PIN1: variants seen among roughly 807,000 people sequenced by gnomAD.
The protein encoded by PIN1 is peptidylprolyl cis/trans isomerase, NIMA-interacting 1.
In PIN1, 8 loss-of-function variants were observed where a neutral mutation model predicts 19.9. The ratio of observed to expected loss-of-function variants is 0.40; its 90% CI spans 0.24 to 0.72. PIN1 has a LOEUF of 0.72. Ranked by LOEUF, PIN1 falls within the 30% of genes least tolerant of loss-of-function variation. The probability of loss-of-function intolerance (pLI) is 0.37; values close to 1 mark genes in which losing one functional copy is unlikely to be tolerated. For missense variants in PIN1, 185 were observed against 226.5 expected, an observed-to-expected ratio of 0.82 and a Z score of 1.18; for synonymous variants, 86 against 90.8, an observed-to-expected ratio of 0.95 and a Z score of 0.30.
At chr19:9,848,416 G>T (rs928600399) in intron 3 of PIN1, 1 of 462,474 alleles carries the variant, frequency 2.2e-6, no homozygotes, top group East Asian at 4.1e-5. Flanking sequence ...CTCATCCCAG[G>T]CCCACCAAGG....
Position 9,846,636 on chromosome 19 carries a change from G to A in PIN1, c.272-1394G>A, listed in dbSNP as rs1258665458. Among the ~76,000 whole-genome samples, 2 of 152,192 alleles carry A rather than the reference G, an allele frequency of 1.3e-5. No homozygotes were observed. Among genetic ancestry groups the A allele is most frequent in the East Asian group, 3.9e-4 (2 of 5,182 alleles). On this transcript the variant is annotated intron_variant, in intron 2 of 3. Coordinates refer to ENST00000247970, the MANE Select transcript of PIN1 (RefSeq NM_006221.4). The surrounding 1 kb of genome is among the most constrained non-coding windows in gnomAD (Gnocchi z 5.9). Reference sequence around the variant, plus strand: ...CTGGGGACACTTGGATCAGTCCAGTGTGTTCAGCAGGTGCCACGGTTGGGT... The same window carrying A: ...CTGGGGACACTTGGATCAGTCCAGTATGTTCAGCAGGTGCCACGGTTGGGT...
chr19:9,842,958 C>T (rs2145414375), intron 2 of PIN1, among the ~76,000 whole-genome samples: 1 of 152,328 alleles, frequency 6.6e-6, no homozygotes. Context: ...CAGAGAGAGC[C>T]GGGACCTCCA....
At chr19:9,841,384 C>T (rs1011893624) in intron 2 of PIN1, among the ~76,000 whole-genome samples, 7 of 152,174 alleles carry the variant, frequency 4.6e-5, no homozygotes, top group African/African-American at 1.7e-4. Flanking sequence ...AGCCTTGTTT[C>T]ATGAGCCAGT....
rs1050698037 is a variant in PIN1, at chr19:9,841,529, G to C, written c.271+2881G>C. Among the ~76,000 whole-genome samples, 85 of 152,338 alleles carry C rather than the reference G, an allele frequency of 5.6e-4. 1 individual carries two copies. Among genetic ancestry groups the C allele is most frequent in the Non-Finnish European group, 3.2e-4 (22 of 68,028 alleles). ...ACCCTTCACGGGCAGGTCCCAGCCA[G>C]GTTGAGGAGGGTCCTTGTCAGGTGA... On this transcript the variant is annotated intron_variant, in intron 2 of 3. Transcript: ENST00000247970.
In PIN1 at chr19:9,849,445, T is replaced by C. The variant is rs1434035336; in HGVS notation, c.*246T>C. On this transcript the variant is annotated 3_prime_UTR_variant, in exon 4 of 4. Coordinates refer to ENST00000247970, the MANE Select transcript of PIN1 (RefSeq NM_006221.4). ...CTTAAGGAATTGACTTCAGCAGGGG[T>C]GGGAGGCTCCCAGACCCAGGGCAGT... The C allele has an allele frequency of 1.4e-6, 1 of 732,858 alleles. No homozygotes were observed. Among genetic ancestry groups the C allele is most frequent in the Non-Finnish European group, 2.5e-6 (1 of 397,462 alleles). The allele number at this position is 732,858 out of a possible 1,614,324, so 45.4% of individuals were successfully genotyped here.
At position 9,838,132 on chromosome 19, in the gene PIN1, G is replaced by A. The variant is rs2046128165; in HGVS notation, c.59-304G>A. ...CACTCCCTGTCCCCCAGCTTCCTCT[G>A]TTCCATCACTCTGGGTTATTTTCCT... is the stretch of plus-strand genomic sequence containing the variant. On this transcript the variant is annotated intron_variant, in intron 1 of 3. Transcript: ENST00000247970. This position sits in a 1 kb window ranked among gnomAD's most constrained non-coding sequence, Gnocchi z 5.8. 6.8e-6 allele frequency: 3 copies of A among 443,128 alleles called. No individual in the cohort carries two copies. Among genetic ancestry groups the A allele is most frequent in the African/African-American group, 2.0e-5 (1 of 50,014 alleles). 27.4% of individuals were successfully genotyped at this position (443,128 alleles called of 1,614,324 possible).
In PIN1 at chr19:9,846,849, TGTGTCAGG is replaced by T. The variant is rs1361340876; in HGVS notation, c.272-1177_272-1170del. On this transcript the variant is annotated intron_variant, in intron 2 of 3. Coordinates refer to ENST00000247970, the MANE Select transcript of PIN1 (RefSeq NM_006221.4). The surrounding 1 kb of genome is among the most constrained non-coding windows in gnomAD (Gnocchi z 5.9). Reference sequence around the variant, plus strand: ...TGACATTAAGAAACCCCCTACTGAGTGTGTCAGGGTGACCTTCACGTTGGAGAGAAGAA... The same window carrying T: ...TGACATTAAGAAACCCCCTACTGAGTGTGACCTTCACGTTGGAGAGAAGAA... Among the ~76,000 whole-genome samples the T allele has an allele frequency of 1.4e-4, 21 of 152,074 alleles. No homozygotes were observed. Among genetic ancestry groups the T allele is most frequent in the Admixed American group, 1.4e-3 (21 of 15,276 alleles).
Position 9,849,638 on chromosome 19 carries a change from C to A in PIN1, c.*439C>A. ...GCGGCCCAGCCATGGGCCCTCTGAGCAACTGTGCAGCACCCTTTCACCCCC... is the reference window on the plus strand; with the variant it reads ...GCGGCCCAGCCATGGGCCCTCTGAGAAACTGTGCAGCACCCTTTCACCCCC... On this transcript the variant is annotated 3_prime_UTR_variant, in exon 4 of 4. Transcript: ENST00000247970. The A allele has an allele frequency of 1.9e-6, 1 of 524,330 alleles. No individual in the cohort carries two copies. The highest frequency in any genetic ancestry group is 1.4e-5 in the South Asian group (1 of 71,576). The allele number at this position is 524,330 out of a possible 1,614,324, so 32.5% of individuals were successfully genotyped here. A position where few individuals can be genotyped will look rare whatever the true frequency, so the allele number is the denominator to read the frequency against.
At chr19:9,835,703 C>T (rs1025761394) in intron 1 of PIN1, 8 of 421,246 alleles carry the variant, frequency 1.9e-5, no homozygotes, top group Non-Finnish European at 2.9e-5. Context: ...CACCTGACAC[C>T]CCGGGGGACG....
In PIN1 at chr19:9,849,387, T is replaced by C. The variant is rs749324777; in HGVS notation, c.*188T>C. The stretch of plus-strand genomic sequence containing the variant: ...CCCTGGGGTCCCCACTCCCTGTCCA[T>C]CCCCAGTTGGGGCTGCGACCGCCAG... On this transcript the variant is annotated 3_prime_UTR_variant, in exon 4 of 4. Transcript: ENST00000247970. 3 of 716,544 alleles carry C rather than the reference T, an allele frequency of 4.2e-6. No homozygotes were observed. In the South Asian group the frequency reaches 4.3e-5, roughly 10 times the overall value. 44.4% of individuals were successfully genotyped at this position (716,544 alleles called of 1,614,324 possible). A position where few individuals can be genotyped will look rare whatever the true frequency, so the allele number is the denominator to read the frequency against.
At chr19:9,835,512 G>T in intron 1 of PIN1, 110 bp downstream of exon 1, 4 of 747,888 alleles carry the variant, frequency 5.3e-6, no homozygotes, top group Non-Finnish European at 7.8e-6. Flanking sequence ...TGGGGTCCTG[G>T]CTCTTCCGCG....
chr19:9,836,444 G>A lies in PIN1; in HGVS notation c.58+1042G>A, dbSNP rs2046106335. ...TCAGCTGCATTTGCACCTGGAACCCGCGCTCTCGCCCACCCTGCTCTAGCC... is the reference window on the plus strand; with the variant it reads ...TCAGCTGCATTTGCACCTGGAACCCACGCTCTCGCCCACCCTGCTCTAGCC... On this transcript the variant is annotated intron_variant, in intron 1 of 3. Coordinates refer to ENST00000247970, the MANE Select transcript of PIN1 (RefSeq NM_006221.4). 3 of 178,934 alleles carry A rather than the reference G, an allele frequency of 1.7e-5. No homozygotes were observed. In the Admixed American group the frequency reaches 1.7e-4, roughly 10 times the overall value. The allele number at this position is 178,934 out of a possible 1,614,324, so 11.1% of individuals were successfully genotyped here.
rs1268727893 is a variant in PIN1 at position 9,846,745 on chromosome 19, G to T, written c.272-1285G>T. 6.6e-6 allele frequency among the ~76,000 whole-genome samples: 1 copy of T among 152,206 alleles called. No individual in the cohort carries two copies. Among genetic ancestry groups the T allele is most frequent in the Non-Finnish European group, 1.5e-5 (1 of 68,036 alleles). On this transcript the variant is annotated intron_variant, in intron 2 of 3. Coordinates refer to ENST00000247970, the MANE Select transcript of PIN1 (RefSeq NM_006221.4). The surrounding 1 kb of genome is among the most constrained non-coding windows in gnomAD (Gnocchi z 5.9). ...GGCTCCAGGCCAGTGTATCAGCTATGTATGTCCTGGGCAAGTTGGCCGGCA... is the reference window on the plus strand; with the variant it reads ...GGCTCCAGGCCAGTGTATCAGCTATTTATGTCCTGGGCAAGTTGGCCGGCA...
Position 9,848,114 on chromosome 19 carries a change from G to A in PIN1, c.356G>A (p.Arg119Lys), listed in dbSNP as rs184605323. The A allele has an allele frequency of 6.2e-7, 1 of 1,611,368 alleles. No individual in the cohort carries two copies. Among genetic ancestry groups the A allele is most frequent in the East Asian group, 2.2e-5 (1 of 44,866 alleles). ...QFSDCSSAKA[R>K]GDLGAFSRGQ... ...AGCGACTGCAGCTCAGCCAAGGCCAGGGGAGACCTGGGTGCCTTCAGCAGA... is the reference window on the plus strand; with the variant it reads ...AGCGACTGCAGCTCAGCCAAGGCCAAGGGAGACCTGGGTGCCTTCAGCAGA... The change falls in exon 3 of 4, where the codon AGG becomes AAG. Residue 119 changes from arginine (R) to lysine (K), a missense_variant. Arg to Lys is a conservative substitution (Grantham distance 26). Transcript: ENST00000247970.
chr19:9,845,629 C>G (rs1368771967), intron 2 of PIN1, among the ~76,000 whole-genome samples: 1 of 152,186 alleles, frequency 6.6e-6, no homozygotes, highest in Non-Finnish European at 1.5e-5. Context: ...AAAACAAAAA[C>G]AGTCATTGCA....
At chr19:9,848,749 C>T (rs766912768) in intron 3 of PIN1, 15 of 335,510 alleles carry the variant, frequency 4.5e-5, no homozygotes, top group Non-Finnish European at 7.2e-5. Flanking sequence ...CCACCTCCTC[C>T]GAGGAGGCTG....
intron 2 of PIN1, among the ~76,000 whole-genome samples, chr19:9,844,395 A>T (rs2046198868): frequency 6.6e-6 from 1 of 152,202 alleles, no homozygotes; most frequent in East Asian, 1.9e-4. Context: ...GGAGCAGCAG[A>T]GGTAGGATCT....
rs190571655 is a variant in PIN1, at chr19:9,838,829, T to C, written c.271+181T>C. Among the ~76,000 whole-genome samples, 3 of 152,268 alleles carry C rather than the reference T, an allele frequency of 2.0e-5. No homozygotes were observed. The highest frequency in any genetic ancestry group is 3.9e-4 in the East Asian group (2 of 5,160). On this transcript the variant is annotated intron_variant, in intron 2 of 3. Transcript: ENST00000247970. The surrounding 1 kb of genome is among the most constrained non-coding windows in gnomAD (Gnocchi z 5.8). ...CAGCAGCCATTCTCTTTCTTTTCCATCTGGCATTTGAGGGTGAGCCAGGTA... is the reference window on the plus strand; with the variant it reads ...CAGCAGCCATTCTCTTTCTTTTCCACCTGGCATTTGAGGGTGAGCCAGGTA...
intron 1 of PIN1, 74 bp downstream of exon 1, chr19:9,835,476 G>T: frequency 1.9e-6 from 2 of 1,061,232 alleles, no homozygotes; most frequent in Non-Finnish European, 2.5e-6. Flanking sequence ...CCCCTTGGGC[G>T]CGGCGGCAGC....
Sources: gnomAD v4.1 joint callset for allele counts (sites outside exome capture counted in the v4.1 genomes callset) on GRCh38, gnomAD v4.1.1 for gene constraint, Gnocchi (gnomAD v3.1) non-coding constraint, MANE v1.5 for transcripts, NCBI Gene and HGNC (gene_info 2026-07-23, HGNC 2026-07-21) for gene names.